The following ASCC3 variants were observed in gnomAD, a reference collection of about 807,000 sequenced individuals.
ASCC3 encodes the protein ASC-1 complex subunit P200.
ASCC3 carries 158 observed loss-of-function variants against 256.3 expected under a neutral mutation model. That is an observed-to-expected ratio of 0.62 (90% CI 0.54 to 0.70). The LOEUF (loss-of-function observed/expected upper bound fraction) is 0.70. Ranked by LOEUF, ASCC3 falls within the 30% of genes least tolerant of loss-of-function variation. The pLI is 0.00. For synonymous variants in ASCC3, 948 were observed against 883.4 expected (o/e 1.07, Z -1.30); for missense variants, 2,259 against 2,626.0 (o/e 0.86, Z 3.05).
chr6:100,819,166 G>T (rs369197877), intron 4 of ASCC3, among the ~76,000 whole-genome samples: 1 of 151,894 alleles, frequency 6.6e-6, no homozygotes, highest in Admixed American at 6.6e-5. Flanking sequence ...AGCCTGTCGG[G>T]GGCTGGGGGG....
At chr6:100,771,583 C>T (rs1781926637) in intron 8 of ASCC3, among the ~76,000 whole-genome samples, 1 of 151,692 alleles carries the variant, frequency 6.6e-6, no homozygotes, top group Non-Finnish European at 1.5e-5. Context: ...GCAATTTAAT[C>T]TTAAGAGTAT....
At chr6:100,795,012 C>T (rs916124158) in intron 8 of ASCC3, among the ~76,000 whole-genome samples, 1 of 152,064 alleles carries the variant, frequency 6.6e-6, no homozygotes, top group African/African-American at 2.4e-5. Context: ...TCCCCTTTGA[C>T]TCCTGGTGGC....
intron 3 of ASCC3, among the ~76,000 whole-genome samples, chr6:100,852,398 G>A (rs1384117784): frequency 1.3e-5 from 2 of 152,160 alleles, no homozygotes; most frequent in Non-Finnish European, 2.9e-5. Context: ...GTAGAAAGGT[G>A]TTAGTCATGT....
chr6:100,687,664 GT>G (rs1204591224), intron 13 of ASCC3, among the ~76,000 whole-genome samples: 1 of 151,906 alleles, frequency 6.6e-6, no homozygotes, highest in Non-Finnish European at 1.5e-5. Context: ...ACTGCTATGG[GT>G]TTTATGGTAA....
chr6:100,802,453 T>G (rs1769965597), intron 5 of ASCC3, among the ~76,000 whole-genome samples: 2 of 152,110 alleles, frequency 1.3e-5, no homozygotes, highest in African/African-American at 4.8e-5. Flanking sequence ...CTGCTAATGC[T>G]TCATGTACAT....
At chr6:100,726,285 A>G (rs12216304) in intron 10 of ASCC3, among the ~76,000 whole-genome samples, 62,201 of 151,674 alleles carry the variant, frequency 0.41, 13,268 homozygotes, top group South Asian at 0.6. Context: ...TTAATGGCAC[A>G]TTAAAATATA....
chr6:100,568,792 T>A (rs944715280), intron 36 of ASCC3, among the ~76,000 whole-genome samples: 8 of 137,836 alleles, frequency 5.8e-5, no homozygotes, highest in South Asian at 2.3e-4. Context: ...TATTATTATT[T>A]TTTGAGACAG....
At chr6:100,627,494 G>T in intron 29 of ASCC3, 96 bp downstream of exon 29, 2 of 1,495,734 alleles carry the variant, frequency 1.3e-6, no homozygotes, top group Non-Finnish European at 1.8e-6. Context: ...AGCTGGACCA[G>T]TATCATCCTT....
At chr6:100,804,767 C>T (rs1243489768) in intron 5 of ASCC3, among the ~76,000 whole-genome samples, 2 of 152,072 alleles carry the variant, frequency 1.3e-5, no homozygotes, top group African/African-American at 4.8e-5. Context: ...GTTGGCTCAG[C>T]CGCAGAAAAC....
At chr6:100,727,404 T>C (rs942273853) in intron 10 of ASCC3, among the ~76,000 whole-genome samples, 1 of 152,012 alleles carries the variant, frequency 6.6e-6, no homozygotes, top group Admixed American at 6.6e-5. Context: ...AGAGAGATCA[T>C]AAAATCTCTC....
At chr6:100,800,222 A>ACTAAATCATCTATACTG in intron 6 of ASCC3, 78 bp downstream of exon 6, 3 of 1,486,912 alleles carry the variant, frequency 2.0e-6, no homozygotes, top group Non-Finnish European at 2.8e-6. Context: ...TACTGCTAAG[A>ACTAAATCATCTATACTG]CTAAACTAAA....
intron 10 of ASCC3, among the ~76,000 whole-genome samples, chr6:100,742,700 C>A (rs116176657): frequency 2.0e-5 from 3 of 152,330 alleles, no homozygotes; most frequent in African/African-American, 4.8e-5. Context: ...TTCATCTAGA[C>A]CATTTGGACT....
chr6:100,542,410 C>T (rs1189113112), intron 36 of ASCC3, among the ~76,000 whole-genome samples: 1 of 152,136 alleles, frequency 6.6e-6, no homozygotes, highest in Non-Finnish European at 1.5e-5. Flanking sequence ...GGGCCGGGCG[C>T]GGTGGCTCAC....
intron 36 of ASCC3, among the ~76,000 whole-genome samples, chr6:100,577,488 T>C (rs1770932782): frequency 6.6e-6 from 1 of 152,214 alleles, no homozygotes; most frequent in South Asian, 2.1e-4. Context: ...TGATGTCCTT[T>C]TGATCTGAGG....
intron 3 of ASCC3, among the ~76,000 whole-genome samples, chr6:100,863,020 G>A (rs143427297): frequency 2.0e-5 from 3 of 152,240 alleles, no homozygotes; most frequent in African/African-American, 7.2e-5. Flanking sequence ...CAGTAATGAA[G>A]GCAAGAATGA....
intron 36 of ASCC3, among the ~76,000 whole-genome samples, chr6:100,543,351 TTAATC>T (rs1775558068): frequency 1.3e-5 from 2 of 152,104 alleles, no homozygotes; most frequent in African/African-American, 4.8e-5. Flanking sequence ...CTGCAATTGA[TTAATC>T]TATGAATGCA....
At chr6:100,850,995 G>T (rs1313188841) in intron 3 of ASCC3, among the ~76,000 whole-genome samples, 1 of 151,984 alleles carries the variant, frequency 6.6e-6, no homozygotes, top group African/African-American at 2.4e-5. Context: ...TTTTTGTAAA[G>T]ATAGTATTGC....
At chr6:100,637,917 A>C (rs1303668995) in intron 25 of ASCC3, among the ~76,000 whole-genome samples, 3 of 152,210 alleles carry the variant, frequency 2.0e-5, no homozygotes, top group Non-Finnish European at 2.9e-5. Flanking sequence ...TGACAAAGAT[A>C]CTGTGACCAT....
intron 10 of ASCC3, among the ~76,000 whole-genome samples, chr6:100,738,385 A>T (rs1466699470): frequency 6.6e-6 from 1 of 152,042 alleles, no homozygotes; most frequent in Non-Finnish European, 1.5e-5. Context: ...ATCTTGAGTT[A>T]ATTTTTGCAC....
Sources: allele counts gnomAD v4.1 joint callset (sites outside exome capture counted in the v4.1 genomes callset), GRCh38; gene constraint gnomAD v4.1.1; transcripts MANE v1.5; gene names NCBI Gene and HGNC (gene_info 2026-07-23, HGNC 2026-07-21).